RCBTB2: variants seen among roughly 807,000 people sequenced by gnomAD.
RCBTB2 encodes RCC1 and BTB domain containing protein 2.
In RCBTB2, 55 loss-of-function variants were observed where a neutral mutation model predicts 65.4. The observed-to-expected ratio is 0.84, with a 90% confidence interval of 0.68 to 1.05. The LOEUF is 1.05. Among genes scored for constraint, RCBTB2 ranks in the 50% least tolerant of loss-of-function variants. The pLI, the probability that RCBTB2 is intolerant of heterozygous loss-of-function variation, is 0.00. For missense variants in RCBTB2, 599 were observed against 680.1 expected (o/e 0.88, Z 1.33); for synonymous variants, 220 against 255.2 (o/e 0.86, Z 1.31).
intron 10 of RCBTB2, among the ~76,000 whole-genome samples, chr13:48,507,813 C>T (rs976601002): frequency 6.6e-6 from 1 of 152,108 alleles, no homozygotes; most frequent in Non-Finnish European, 1.5e-5. Context: ...TAAAATATGC[C>T]GTTAGGGAAC....
rs540418363 is a variant in RCBTB2 at position 48,511,412 on chromosome 13, T to TTATATG, written c.783+352_783+357dup. Among the ~76,000 whole-genome samples, 922 of 152,324 alleles carry TTATATG rather than the reference T, an allele frequency of 6.1e-3. 9 individuals carry two copies. Among genetic ancestry groups the TTATATG allele is most frequent in the African/African-American group, 0.021 (882 of 41,564 alleles). On this transcript the variant is annotated intron_variant, in intron 9 of 14. Coordinates refer to ENST00000344532, the MANE Select transcript of RCBTB2 (RefSeq NM_001268.4). ...TTTTTTTATTAAAGTTATCCTCTTTTTATATGTATATGTATCTTCTTAACT... is the reference window on the plus strand; with the variant it reads ...TTTTTTTATTAAAGTTATCCTCTTTTTATATGTATATGTATATGTATCTTCTTAACT...
At chr13:48,520,450 C>T (rs1291021990) in intron 4 of RCBTB2, among the ~76,000 whole-genome samples, 1 of 152,194 alleles carries the variant, frequency 6.6e-6, no homozygotes, top group Non-Finnish European at 1.5e-5. Flanking sequence ...TGGTTTGGCA[C>T]AGGTAACCTT....
At position 48,522,655 on chromosome 13, in the gene RCBTB2, C is replaced by T. The variant is rs146458203; in HGVS notation, c.-119-252G>A. On this transcript the variant is annotated intron_variant, in intron 2 of 14. Coordinates refer to ENST00000344532, the MANE Select transcript of RCBTB2 (RefSeq NM_001268.4). ...TGTGGTTTAATCATTATGTAGTTAACGATTTCATCATTAAAAATAAATAAA... is the reference window on the plus strand; with the variant it reads ...TGTGGTTTAATCATTATGTAGTTAATGATTTCATCATTAAAAATAAATAAA... Among the ~76,000 whole-genome samples the T allele has an allele frequency of 2.5e-4, 38 of 152,248 alleles. No individual in the cohort carries two copies. In the East Asian group the frequency reaches 5.4e-3, roughly 22 times the overall value.
At chr13:48,514,973 G>A (rs188574104) in intron 6 of RCBTB2, among the ~76,000 whole-genome samples, 8 of 152,262 alleles carry the variant, frequency 5.3e-5, no homozygotes, top group Admixed American at 1.3e-4. Context: ...CAATCAGTTC[G>A]TCAGTGTTTA....
chr13:48,532,887 C>A, intron 1 of RCBTB2, 141 bp downstream of exon 1: 1 of 432,992 alleles, frequency 2.3e-6, no homozygotes, highest in Non-Finnish European at 4.7e-6. Context: ...CTCTAGTCCC[C>A]TGGGCCCCTC....
At chr13:48,493,121 T>C (rs1277469646) in intron 14 of RCBTB2, among the ~76,000 whole-genome samples, 1 of 151,854 alleles carries the variant, frequency 6.6e-6, no homozygotes, top group Non-Finnish European at 1.5e-5. Flanking sequence ...ACTTTCAAAA[T>C]GTATTCAAAA....
chr13:48,501,743 G>C lies in RCBTB2; in HGVS notation c.1243C>G (p.Arg415Gly), dbSNP rs753959378. Residue 415 changes from arginine (R) to glycine (G), a missense_variant and splice_region_variant, in exon 12 of 15, where the codon CGA (arginine) becomes GGA (glycine). Transcript: ENST00000344532. ...IYAHKVLLKI[R>G]CEHFRSSLED... ...ATTCTCAAATAAATGATTCCTTACC[G>C]AATCTTGAGAAGGACTTTATGTGCA... 6.2e-7 allele frequency: 1 copy of C among 1,608,748 alleles called. No individual in the cohort carries two copies. Among genetic ancestry groups the C allele is most frequent in the Non-Finnish European group, 8.5e-7 (1 of 1,176,140 alleles).
chr13:48,495,256 CA>C (rs1949918290), intron 14 of RCBTB2, among the ~76,000 whole-genome samples: 1 of 151,750 alleles, frequency 6.6e-6, no homozygotes, highest in South Asian at 2.1e-4. Context: ...AAAAAATAAG[CA>C]AAGAGAAGAA....
intron 1 of RCBTB2, among the ~76,000 whole-genome samples, chr13:48,527,517 T>C (rs781483591): frequency 6.6e-6 from 1 of 151,842 alleles, no homozygotes; most frequent in African/African-American, 2.4e-5. Flanking sequence ...GCAATATAAA[T>C]AGAAAATGGA....
chr13:48,509,911 T>C (rs1950692013), intron 10 of RCBTB2, among the ~76,000 whole-genome samples: 1 of 152,220 alleles, frequency 6.6e-6, no homozygotes, highest in Non-Finnish European at 1.5e-5. Flanking sequence ...ATTTCTACAA[T>C]GACTGCAACC....
At chr13:48,497,408 A>T (rs1950030865) in intron 13 of RCBTB2, among the ~76,000 whole-genome samples, 1 of 152,180 alleles carries the variant, frequency 6.6e-6, no homozygotes, top group South Asian at 2.1e-4. Flanking sequence ...TATGTAAATT[A>T]ATTTTAATCT....
rs2138537411 is a variant in RCBTB2, at chr13:48,511,894, C to T, written c.676-17G>A. The T allele has an allele frequency of 6.2e-7, 1 of 1,613,268 alleles. No individual in the cohort carries two copies. The highest frequency in any genetic ancestry group is 8.5e-7 in the Non-Finnish European group (1 of 1,179,330). ...GACATAGACCTGAGAGAAAATGAGACCCTCAATCCTCTCAAGAGACAAATG... is the reference window on the plus strand; with the variant it reads ...GACATAGACCTGAGAGAAAATGAGATCCTCAATCCTCTCAAGAGACAAATG... On this transcript the variant is annotated splice_polypyrimidine_tract_variant and intron_variant, in intron 8 of 14. Coordinates refer to ENST00000344532, the MANE Select transcript of RCBTB2 (RefSeq NM_001268.4).
At chr13:48,527,326 TATATATATATG>T (rs1566336498) in intron 1 of RCBTB2, among the ~76,000 whole-genome samples, 8 of 132,114 alleles carry the variant, frequency 6.1e-5, no homozygotes, top group African/African-American at 2.5e-4. Flanking sequence ...GGCTCATATA[TATATATATATG>T]ATATATATAT....
intron 3 of RCBTB2, 117 bp downstream of exon 3, chr13:48,522,191 G>A: frequency 2.6e-6 from 2 of 760,700 alleles, no homozygotes; most frequent in Non-Finnish European, 4.3e-6. Context: ...TCTTCCTGCT[G>A]AGGTCTGAAA....
chr13:48,494,843 T>C (rs933878780), intron 14 of RCBTB2, among the ~76,000 whole-genome samples: 6 of 152,162 alleles, frequency 3.9e-5, no homozygotes, highest in African/African-American at 1.4e-4. Context: ...TGCTGTTAAA[T>C]GTCATTGTTT....
upstream of RCBTB2, among the ~76,000 whole-genome samples, chr13:48,533,842 A>T (rs578064861): frequency 2.6e-5 from 4 of 152,360 alleles, no homozygotes; most frequent in Non-Finnish European, 4.4e-5. Flanking sequence ...CTCAACAATT[A>T]AATGTTATTA....
intron 14 of RCBTB2, among the ~76,000 whole-genome samples, chr13:48,495,068 T>C (rs1022582896): frequency 6.6e-6 from 1 of 152,216 alleles, no homozygotes; most frequent in Non-Finnish European, 1.5e-5. Flanking sequence ...AAAAAAGTTA[T>C]AACCTTTCAT....
At position 48,496,326 on chromosome 13, in the gene RCBTB2, C is replaced by A. The variant is rs372400393; in HGVS notation, c.1385-5G>T. On this transcript the variant is annotated splice_region_variant and splice_polypyrimidine_tract_variant and intron_variant, in intron 13 of 14. Transcript: ENST00000344532. ...ATGTAGCCAAGTCTAGCAGTCCTGG[C>A]GGAAAGAGGTGTTTATTAGGGGGAG... 8.4e-6 allele frequency: 13 copies of A among 1,547,960 alleles called. No homozygotes were observed. The East Asian group carries it at 2.1e-4, about 25-fold the overall frequency.
rs1361914519 is a variant in RCBTB2 at position 48,512,815 on chromosome 13, G to T, written c.430C>A (p.His144Asn). ...GTTNHGLVPCHISTNLSNKQV... is the reference protein window; with the variant it reads ...GTTNHGLVPCNISTNLSNKQV... ...TTGTTTGACAGATTAGTAGAGATAT[G>T]ACAGGGCACTAAACCATGATTAGTT... Residue 144 changes from histidine to asparagine, a missense_variant, in exon 7 of 15, where the codon CAT becomes AAT. His to Asn is a moderately conservative substitution (Grantham distance 68, BLOSUM62 1). Transcript: ENST00000344532. 1 of 1,613,910 alleles carries T rather than the reference G, an allele frequency of 6.2e-7. No homozygotes were observed. The highest frequency in any genetic ancestry group is 8.5e-7 in the Non-Finnish European group (1 of 1,179,806).
Sources: allele counts gnomAD v4.1 joint callset (sites outside exome capture counted in the v4.1 genomes callset), GRCh38; gene constraint gnomAD v4.1.1; transcripts MANE v1.5; gene names NCBI Gene and HGNC (gene_info 2026-07-23, HGNC 2026-07-21).